Variants in ZNF48 observed in about 807,000 individuals in gnomAD.
ZNF48 encodes zinc finger protein 553.
In ZNF48, 20 loss-of-function variants were observed where a neutral mutation model predicts 40.0. The observed-to-expected ratio is 0.50, with a 90% CI of 0.35 to 0.73. The LOEUF (loss-of-function observed/expected upper bound fraction) is 0.73, where lower values mean the gene tolerates loss of function less well. Among genes scored for constraint, ZNF48 ranks in the 30% least tolerant of loss-of-function variants. The pLI is 0.01. For synonymous variants in ZNF48, 298 were observed against 329.7 expected (o/e 0.90, Z 1.04); for missense variants, 726 against 851.9 (o/e 0.85, Z 1.84).
At chr16:30,378,521 C>T in intron 1 of ZNF48, 1 of 1,590,848 alleles carries the variant, frequency 6.3e-7, no homozygotes, top group Non-Finnish European at 8.6e-7. Flanking sequence ...TGCGGCGCAG[C>T]TGTGCAGGGC....
At chr16:30,393,050 A>C (rs2049953963), upstream of ZNF48, among the ~76,000 whole-genome samples, 1 of 151,718 alleles carries the variant, frequency 6.6e-6, no homozygotes, top group Non-Finnish European at 1.5e-5. Context: ...CTGTTCTCCC[A>C]CACTATCGTG....
intron 1 of ZNF48, among the ~76,000 whole-genome samples, chr16:30,387,150 A>G (rs1258140274): frequency 1.1e-4 from 16 of 148,750 alleles, no homozygotes; most frequent in South Asian, 8.5e-4. Flanking sequence ...TCACCGTGTT[A>G]GCCAGGATGG....
In ZNF48 at chr16:30,399,162, TAGC is replaced by T; in HGVS notation, c.*58_*60del. The T allele has an allele frequency of 6.7e-7, 1 of 1,482,144 alleles. No individual in the cohort carries two copies. Among genetic ancestry groups the T allele is most frequent in the Non-Finnish European group, 9.0e-7 (1 of 1,112,956 alleles). The allele number at this position is 1,482,144 out of a possible 1,614,324, so 91.8% of individuals were successfully genotyped here. On this transcript the variant is annotated 3_prime_UTR_variant, in exon 3 of 3. Coordinates refer to ENST00000613509, the MANE Select transcript of ZNF48 (RefSeq NM_001214909.2). ...GACCAAAGGGAGGGGCTCTGCCGCT[TAGC>T]AGAGAAGAAAGGGCCTGGGAGGTGG...
Position 30,398,659 on chromosome 16 carries a change from A to G in ZNF48, c.1409A>G (p.His470Arg), listed in dbSNP as rs747035427. ...FRRSSDLVKH[H>R]RVHTGEKPYL... ...CGAAGCTCTGACCTGGTGAAACACCATCGTGTGCACACAGGGGAGAAACCC... is the reference window on the plus strand; with the variant it reads ...CGAAGCTCTGACCTGGTGAAACACCGTCGTGTGCACACAGGGGAGAAACCC... The change falls in exon 3 of 3, where the codon CAT (histidine) becomes CGT (arginine). Residue 470 changes from histidine to arginine, a missense_variant. This residue lies in a region of ZNF48 where 25 missense variants were observed against 51.5 expected (regional missense o/e 0.49). Transcript: ENST00000613509. The surrounding 1 kb of genome is among the most constrained non-coding windows in gnomAD (Gnocchi z 6.6). 2 of 1,612,728 alleles carry G rather than the reference A, an allele frequency of 1.2e-6. No homozygotes were observed. The highest frequency in any genetic ancestry group is 1.7e-6 in the Non-Finnish European group (2 of 1,179,674).
At position 30,381,046 on chromosome 16, in the gene ZNF48, C is replaced by G. The variant is rs547951510; in HGVS notation, c.-16+2636C>G. 63 of 1,137,360 alleles carry G rather than the reference C, an allele frequency of 5.5e-5. No homozygotes were observed. The South Asian group carries it at 7.5e-4, about 13-fold the overall frequency. 70.5% of individuals were successfully genotyped at this position (1,137,360 alleles called of 1,614,324 possible). Reference sequence around the variant, plus strand: ...CCTGATGCACCATGCTCCAGAAAGGCCACTTCAAGATCAAAGAAGTCTAAG... The same window carrying G: ...CCTGATGCACCATGCTCCAGAAAGGGCACTTCAAGATCAAAGAAGTCTAAG... On this transcript the variant is annotated intron_variant, in intron 1 of 2. Transcript: ENST00000528032. This position sits in a 1 kb window ranked among gnomAD's most constrained non-coding sequence, Gnocchi z 4.3.
At chr16:30,378,641 G>T (rs767169336) in intron 1 of ZNF48, 14 of 1,610,652 alleles carry the variant, frequency 8.7e-6, no homozygotes, top group Non-Finnish European at 1.2e-5. Context: ...CAGCTTCTCG[G>T]TGTCCGCCAG....
chr16:30,379,484 G>A (rs750606776), intron 1 of ZNF48: 12 of 1,613,704 alleles, frequency 7.4e-6, no homozygotes, highest in East Asian at 2.2e-5. Context: ...GCCGGTTCCC[G>A]CCATCCCTCA....
At chr16:30,390,279 G>A (rs2049932466) in intron 1 of ZNF48, among the ~76,000 whole-genome samples, 1 of 152,128 alleles carries the variant, frequency 6.6e-6, no homozygotes, top group Non-Finnish European at 1.5e-5. Context: ...AGGCAGCTCT[G>A]CAAATGAATA....
chr16:30,394,365 A>C (rs1314252207), upstream of ZNF48, among the ~76,000 whole-genome samples: 1 of 152,100 alleles, frequency 6.6e-6, no homozygotes, highest in Non-Finnish European at 1.5e-5. Context: ...AGAGGGGCTG[A>C]AGACACCTCC....
chr16:30,379,499 C>G, intron 1 of ZNF48: 1 of 1,613,998 alleles, frequency 6.2e-7, no homozygotes, highest in Non-Finnish European at 8.5e-7. Context: ...CCCTCACCAC[C>G]TCGCATGATC....
chr16:30,391,059 T>G (rs1174827529), upstream of ZNF48, among the ~76,000 whole-genome samples: 1 of 152,002 alleles, frequency 6.6e-6, no homozygotes, highest in Non-Finnish European at 1.5e-5. Flanking sequence ...ACATTCTATC[T>G]TCATCTTTCA....
rs777120407 is a variant in ZNF48 at position 30,398,291 on chromosome 16, C to T, written c.1041C>T (p.Val347=). The change falls in exon 3 of 3, where the codon GTC becomes GTT. Residue 347 remains valine, a synonymous_variant. Coordinates refer to ENST00000613509, the MANE Select transcript of ZNF48 (RefSeq NM_001214909.2). The surrounding 1 kb of genome is among the most constrained non-coding windows in gnomAD (Gnocchi z 6.6). ...GKGFADSSAR[V]KHLRTHSGER... Reference sequence around the variant, plus strand: ...GTTTCGCGGACAGCTCCGCCCGAGTCAAACACCTCCGCACCCACAGTGGCG... The same window carrying T: ...GTTTCGCGGACAGCTCCGCCCGAGTTAAACACCTCCGCACCCACAGTGGCG... 1.2e-6 allele frequency: 2 copies of T among 1,613,594 alleles called. No individual in the cohort carries two copies. The highest frequency in any genetic ancestry group is 1.7e-6 in the Non-Finnish European group (2 of 1,180,012).
intron 1 of ZNF48, among the ~76,000 whole-genome samples, chr16:30,383,777 C>T (rs185756086): frequency 2.2e-4 from 33 of 152,354 alleles, no homozygotes; most frequent in Middle Eastern, 3.4e-3. Flanking sequence ...CTCTTCCAAA[C>T]GTCCTTGGCT....
Position 30,398,383 on chromosome 16 carries a change from G to T in ZNF48, c.1133G>T (p.Arg378Leu). 1 of 1,612,534 alleles carries T rather than the reference G, an allele frequency of 6.2e-7. No individual in the cohort carries two copies. ...CTCAGCTCCACCCTTCTTCGCCACC[G>T]CCTCACTCACATGGAGCCCCAGGAC... The part of the protein sequence containing the change: ...FSLSSTLLRH[R>L]LTHMEPQDFS... Residue 378 changes from arginine (R) to leucine (L), a missense_variant, in exon 3 of 3, where the codon CGC becomes CTC. By Grantham distance (102) the Arg-to-Leu change is moderately radical (BLOSUM62 -2). Transcript: ENST00000613509. The surrounding 1 kb of genome is among the most constrained non-coding windows in gnomAD (Gnocchi z 6.6).
Position 30,398,101 on chromosome 16 carries a change from T to G in ZNF48, c.851T>G (p.Phe284Cys), listed in dbSNP as rs1262593977. ...PYICTDCGKR[F>C]VLSCSLLSHQ... The stretch of plus-strand genomic sequence containing the variant: ...ATCTGCACTGATTGCGGCAAGAGGT[T>G]TGTGCTCAGCTGCAGCCTCCTGAGT... Residue 284 changes from phenylalanine to cysteine, a missense_variant, in exon 3 of 3, where the codon TTT becomes TGT. This residue lies in a region of ZNF48 where 378 missense variants were observed against 449.1 expected (regional missense o/e 0.84). Coordinates refer to ENST00000613509, the MANE Select transcript of ZNF48 (RefSeq NM_001214909.2). The surrounding 1 kb of genome is among the most constrained non-coding windows in gnomAD (Gnocchi z 6.6). 1.2e-6 allele frequency: 2 copies of G among 1,613,564 alleles called. No individual in the cohort carries two copies. The highest frequency in any genetic ancestry group is 1.7e-6 in the Non-Finnish European group (2 of 1,179,634).
intron 1 of ZNF48, chr16:30,379,119 C>G (rs752828203): frequency 1.9e-6 from 3 of 1,614,050 alleles, no homozygotes; most frequent in Non-Finnish European, 1.7e-6. Flanking sequence ...CTTTCAGGTC[C>G]TGCAGGTGTG....
intron 1 of ZNF48, among the ~76,000 whole-genome samples, chr16:30,384,289 G>C (rs1424415069): frequency 6.6e-6 from 1 of 152,142 alleles, no homozygotes; most frequent in Non-Finnish European, 1.5e-5. Flanking sequence ...AGCACTTTGG[G>C]AGGCTGAGTC....
chr16:30,394,876 T>A (rs1284231691), upstream of ZNF48: 1 of 249,448 alleles, frequency 4.0e-6, no homozygotes, highest in Non-Finnish European at 8.3e-6. Flanking sequence ...TCTGATTCCA[T>A]CTCTCCAGCA....
intron 1 of ZNF48, chr16:30,379,001 TC>T: frequency 6.2e-7 from 1 of 1,610,002 alleles, no homozygotes; most frequent in Non-Finnish European, 8.5e-7. Flanking sequence ...TCTGATACTG[TC>T]CGCCCCGGGT....
Sources: gnomAD v4.1 joint callset for allele counts (sites outside exome capture counted in the v4.1 genomes callset) on GRCh38, gnomAD v4.1.1 for gene constraint, gnomAD v4.1.1 regional missense constraint, Gnocchi (gnomAD v3.1) non-coding constraint, MANE v1.5 for transcripts, NCBI Gene and HGNC (gene_info 2026-07-23, HGNC 2026-07-21) for gene names.